The following SLC47A2 variants were observed in gnomAD, a reference collection of about 807,000 sequenced individuals.
SLC47A2 encodes solute carrier family 47 member 2.
Under a neutral mutation model 67.7 loss-of-function variants are expected in SLC47A2, and 52 were observed. The observed-to-expected ratio is 0.77, with a 90% CI of 0.61 to 0.97. The LOEUF is 0.97. SLC47A2 is among the 50% of genes least tolerant of loss of function. The pLI, the probability that SLC47A2 is intolerant of heterozygous loss-of-function variation, is 0.00. For missense variants in SLC47A2, 676 were observed against 712.3 expected (o/e 0.95, Z 0.58); for synonymous variants, 278 against 292.9 (o/e 0.95, Z 0.52).
intron 13 of SLC47A2, among the ~76,000 whole-genome samples, chr17:19,686,388 G>T (rs529914591): frequency 6.6e-6 from 1 of 152,232 alleles, no homozygotes; most frequent in East Asian, 1.9e-4. Context: ...CAAGAAGAAA[G>T]GAAGAGAAGA....
chr17:19,714,711 G>A lies in SLC47A2; in HGVS notation c.294+10C>T. ...CCTGGCTTCCTGCCCAGCTCCAGGA[G>A]GCCACCCACCTGAGACATCAAGGTG... On this transcript the variant is annotated intron_variant, in intron 3 of 16. Coordinates refer to ENST00000433844, the MANE Select transcript of SLC47A2 (RefSeq NM_001099646.3). 2 of 1,613,930 alleles carry A rather than the reference G, an allele frequency of 1.2e-6. No homozygotes were observed. Among genetic ancestry groups the A allele is most frequent in the Non-Finnish European group, 8.5e-7 (1 of 1,180,018 alleles).
chr17:19,708,671 C>A lies in SLC47A2; in HGVS notation c.531+45G>T, dbSNP rs117788366. On this transcript the variant is annotated intron_variant, in intron 6 of 16. Transcript: ENST00000433844. ...AGGCCCCCCTCCCACTGGAATAGGG[C>A]AGTGTGCTGGGAGAAGGGCCTCCCC... 64 of 1,611,788 alleles carry A rather than the reference C, an allele frequency of 4.0e-5. No homozygotes were observed. In the Middle Eastern group the frequency reaches 8.2e-4, roughly 21 times the overall value.
chr17:19,713,454 G>A (rs1409541890), intron 4 of SLC47A2, among the ~76,000 whole-genome samples: 1 of 152,000 alleles, frequency 6.6e-6, no homozygotes, highest in African/African-American at 2.4e-5. Flanking sequence ...TCAAAAAGTG[G>A]TTGTCATCTT....
At chr17:19,708,810 C>T in intron 5 of SLC47A2, 50 bp from the exon 6 acceptor site, 1 of 1,598,420 alleles carries the variant, frequency 6.3e-7, no homozygotes, top group Non-Finnish European at 8.6e-7. Flanking sequence ...CCAAAACTCA[C>T]CAAATGAGCA....
chr17:19,711,155 C>T lies in SLC47A2; in HGVS notation c.486+1548G>A, dbSNP rs1285002285. ...CATAAGCAGAATAAAAGGCAAACGA[C>T]AAATTGGAAAATATTTGAGACAAAG... On this transcript the variant is annotated intron_variant, in intron 5 of 16. Transcript: ENST00000433844. 4.0e-5 allele frequency among the ~76,000 whole-genome samples: 6 copies of T among 151,864 alleles called. No individual in the cohort carries two copies. In the East Asian group the frequency reaches 1.2e-3, roughly 29 times the overall value.
chr17:19,706,976 C>T (rs1199720088), intron 8 of SLC47A2, among the ~76,000 whole-genome samples: 2 of 152,176 alleles, frequency 1.3e-5, no homozygotes, highest in African/African-American at 4.8e-5. Context: ...GCACCAGGCT[C>T]ACCTGGCCAG....
intron 13 of SLC47A2, among the ~76,000 whole-genome samples, chr17:19,687,690 G>C (rs1461204702): frequency 1.3e-5 from 2 of 152,114 alleles, no homozygotes; most frequent in East Asian, 3.8e-4. Context: ...AAATGCAAAG[G>C]ATTGTTAAAC....
intron 13 of SLC47A2, among the ~76,000 whole-genome samples, chr17:19,682,038 G>A (rs2085326010): frequency 6.6e-6 from 1 of 152,188 alleles, no homozygotes; most frequent in Admixed American, 6.5e-5. Context: ...TGTGGCTACT[G>A]TAGCAAATTA....
rs1177430931 is a variant in SLC47A2, at chr17:19,703,107, A to G, written c.1079T>C (p.Ile360Thr). 1 of 1,614,060 alleles carries G rather than the reference A, an allele frequency of 6.2e-7. No homozygotes were observed. The highest frequency in any genetic ancestry group is 8.5e-7 in the Non-Finnish European group (1 of 1,180,034). Residue 360 changes from isoleucine to threonine, a missense_variant, in exon 12 of 17, where the codon ATT becomes ACT. Ile to Thr is a moderately conservative substitution (Grantham distance 89). Coordinates refer to ENST00000433844, the MANE Select transcript of SLC47A2 (RefSeq NM_001099646.3). ...ISILKNQLGH[I>T]FTNDEDVIAL... Reference sequence around the variant, plus strand: ...GATTACCTACTCATCATTGGTAAAAATATGCCCCAGCTGATTTTTCAGGAT... The same window carrying G: ...GATTACCTACTCATCATTGGTAAAAGTATGCCCCAGCTGATTTTTCAGGAT...
upstream of SLC47A2, chr17:19,716,660 C>T: frequency 7.7e-6 from 11 of 1,437,370 alleles, no homozygotes; most frequent in Non-Finnish European, 1.0e-5. Flanking sequence ...TACAGCCTGG[C>T]TGATGAGTAA....
At chr17:19,680,215 C>T (rs2085283701) in intron 15 of SLC47A2, among the ~76,000 whole-genome samples, 176 bp from the exon 16 acceptor site, 1 of 152,036 alleles carries the variant, frequency 6.6e-6, no homozygotes, top group African/African-American at 2.4e-5. Flanking sequence ...TGGTGGCTCA[C>T]ACCTGTAATC....
intron 7 of SLC47A2, 89 bp from the exon 8 acceptor site, chr17:19,707,932 C>G: frequency 1.6e-6 from 2 of 1,249,462 alleles, no homozygotes; most frequent in Admixed American, 2.0e-5. Flanking sequence ...GCGGCCAGCC[C>G]GTGTGGGGCA....
chr17:19,717,629 T>G (rs1332742489), upstream of SLC47A2: 2 of 142,254 alleles, frequency 1.4e-5, no homozygotes, highest in African/African-American at 2.7e-5. Context: ...AGCGGAGGAG[T>G]GGCCGGCAGG....
intron 13 of SLC47A2, among the ~76,000 whole-genome samples, chr17:19,686,378 C>T (rs1259644523): frequency 1.3e-5 from 2 of 151,894 alleles, no homozygotes; most frequent in African/African-American, 4.8e-5. Context: ...AAAAGGAAGA[C>T]AAGAAGAAAG....
At chr17:19,695,186 A>C (rs1275483860) in intron 13 of SLC47A2, among the ~76,000 whole-genome samples, 1 of 152,198 alleles carries the variant, frequency 6.6e-6, no homozygotes, top group Non-Finnish European at 1.5e-5. Context: ...CATGTTAACT[A>C]TTGTATACTT....
At chr17:19,703,703 CAGA>C (rs2085849953) in intron 11 of SLC47A2, among the ~76,000 whole-genome samples, 1 of 152,158 alleles carries the variant, frequency 6.6e-6, no homozygotes, top group South Asian at 2.1e-4. Context: ...GCCAGGCCTG[CAGA>C]AGGACTCTGG....
intron 13 of SLC47A2, among the ~76,000 whole-genome samples, chr17:19,691,021 G>A (rs1042072377): frequency 6.6e-6 from 1 of 152,078 alleles, no homozygotes; most frequent in African/African-American, 2.4e-5. Context: ...ACTCGGGAAG[G>A]CTGAGGCAGG....
rs370426273 is a variant in SLC47A2, at chr17:19,713,832, C to G, written c.436G>C (p.Val146Leu). ...ILLLFRQDPD[V>L]SRLTQDYVMI... ...AGCCGGAGCCCAGCGCACCTGGACACGTCCGGGTCCTGCCGGAAGAGCAGC... is the reference window on the plus strand; with the variant it reads ...AGCCGGAGCCCAGCGCACCTGGACAGGTCCGGGTCCTGCCGGAAGAGCAGC... The change falls in exon 4 of 17, where the codon GTG becomes CTG. Residue 146 changes from valine to leucine, a missense_variant. Coordinates refer to ENST00000433844, the MANE Select transcript of SLC47A2 (RefSeq NM_001099646.3). 1.2e-6 allele frequency: 2 copies of G among 1,611,918 alleles called. No individual in the cohort carries two copies. Among genetic ancestry groups the G allele is most frequent in the African/African-American group, 1.3e-5 (1 of 74,928 alleles).
At chr17:19,697,879 G>C (rs2085700238) in intron 13 of SLC47A2, among the ~76,000 whole-genome samples, 2 of 151,844 alleles carry the variant, frequency 1.3e-5, no homozygotes, top group African/African-American at 2.4e-5. Context: ...ATAGACTTGA[G>C]TCATCACACC....
Sources: gnomAD v4.1 joint callset for allele counts (sites outside exome capture counted in the v4.1 genomes callset) on GRCh38, gnomAD v4.1.1 for gene constraint, MANE v1.5 for transcripts, NCBI Gene and HGNC (gene_info 2026-07-23, HGNC 2026-07-21) for gene names.